KCNT2: variants seen among roughly 807,000 people sequenced by gnomAD.
The protein encoded by KCNT2 is potassium channel subfamily T member 2.
KCNT2 carries 67 observed loss-of-function variants against 153.8 expected under a neutral mutation model. That is an observed-to-expected ratio of 0.44 (90% CI 0.36 to 0.53). KCNT2 has a LOEUF of 0.53. KCNT2 is among the 20% of genes least tolerant of loss of function. The pLI is 0.00. For missense variants in KCNT2, 975 were observed against 1,354.8 expected (o/e 0.72, Z 4.40); for synonymous variants, 500 against 458.8 (o/e 1.09, Z -1.15).
intron 8 of KCNT2, among the ~76,000 whole-genome samples, chr1:196,460,203 G>T (rs1451916075): frequency 2.0e-5 from 3 of 151,416 alleles, no homozygotes; most frequent in Non-Finnish European, 4.4e-5. Flanking sequence ...ATATCCAAGG[G>T]TATTTTTTTA....
chr1:196,262,582 A>G (rs1199455420), intron 25 of KCNT2, among the ~76,000 whole-genome samples: 1 of 151,990 alleles, frequency 6.6e-6, no homozygotes, highest in African/African-American at 2.4e-5. Flanking sequence ...ATAAGCACCA[A>G]GGCTTATATA....
chr1:196,293,426 A>G (rs895071045), intron 22 of KCNT2, among the ~76,000 whole-genome samples: 1 of 152,250 alleles, frequency 6.6e-6, no homozygotes, highest in Non-Finnish European at 1.5e-5. Context: ...TAATCTAGAT[A>G]GAATGGTACT....
chr1:196,302,195 T>C (rs1172514446), intron 22 of KCNT2, among the ~76,000 whole-genome samples: 3 of 152,222 alleles, frequency 2.0e-5, no homozygotes, highest in African/African-American at 7.2e-5. Flanking sequence ...TAGAAAATGC[T>C]ACTGATTATT....
rs189510650 is a variant in KCNT2 at position 196,333,982 on chromosome 1, C to A, written c.1862G>T (p.Ser621Ile). 1.2e-6 allele frequency: 2 copies of A among 1,613,320 alleles called. No individual in the cohort carries two copies. The highest frequency in any genetic ancestry group is 1.7e-6 in the Non-Finnish European group (2 of 1,179,652). ...GPTLSLPTEG[S>I]KEIRRPSIAP... Reference sequence around the variant, plus strand: ...AATGCTAGGTCTTCTTATTTCTTTGCTTCCCTCTGTAGGAAGAGACAGGGT... The same window carrying A: ...AATGCTAGGTCTTCTTATTTCTTTGATTCCCTCTGTAGGAAGAGACAGGGT... Residue 621 changes from serine to isoleucine, a missense_variant, in exon 17 of 28, where the codon AGC becomes ATC. Coordinates refer to ENST00000294725, the MANE Select transcript of KCNT2 (RefSeq NM_198503.5).
At chr1:196,554,207 A>G (rs1278712467) in intron 1 of KCNT2, among the ~76,000 whole-genome samples, 1 of 151,332 alleles carries the variant, frequency 6.6e-6, no homozygotes, top group East Asian at 1.9e-4. Flanking sequence ...AATACAAAAG[A>G]TGAATGAATA....
intron 25 of KCNT2, among the ~76,000 whole-genome samples, chr1:196,270,014 AT>A (rs902025586): frequency 6.6e-6 from 1 of 151,942 alleles, no homozygotes; most frequent in African/African-American, 2.4e-5. Flanking sequence ...CTATTTTTTA[AT>A]TGTTTTTCTT....
chr1:196,353,331 C>A (rs1008798455), intron 14 of KCNT2, among the ~76,000 whole-genome samples: 19 of 151,792 alleles, frequency 1.3e-4, no homozygotes, highest in African/African-American at 4.6e-4. Context: ...GGATGCATAA[C>A]CACTGTGCTC....
At chr1:196,288,560 T>C (rs1162719046) in intron 22 of KCNT2, among the ~76,000 whole-genome samples, 3 of 152,090 alleles carry the variant, frequency 2.0e-5, no homozygotes, top group African/African-American at 2.4e-5. Flanking sequence ...AGATAAACTA[T>C]AGTGTTAATG....
chr1:196,334,167 T>G lies in KCNT2; in HGVS notation c.1784-107A>C, dbSNP rs111227023. On this transcript the variant is annotated intron_variant, in intron 16 of 27. Coordinates refer to ENST00000294725, the MANE Select transcript of KCNT2 (RefSeq NM_198503.5). Reference sequence around the variant, plus strand: ...ATAATAAACACAATAAATATATATATAGAGAGAGTATATATTTATGCGTGT... The same window carrying G: ...ATAATAAACACAATAAATATATATAGAGAGAGAGTATATATTTATGCGTGT... The G allele has an allele frequency of 9.5e-3, 6,034 of 638,042 alleles. 112 individuals are homozygous for G. Among genetic ancestry groups the G allele is most frequent in the African/African-American group, 0.052 (2,856 of 54,680 alleles). The allele number at this position is 638,042 out of a possible 1,614,324, so 39.5% of individuals were successfully genotyped here.
At position 196,482,499 on chromosome 1, in the gene KCNT2, T is replaced by C. The variant is rs1323819858; in HGVS notation, c.276-120A>G. On this transcript the variant is annotated intron_variant, in intron 3 of 27. Coordinates refer to ENST00000294725, the MANE Select transcript of KCNT2 (RefSeq NM_198503.5). ...AGCATAAAAAGACAAAATATCAAAATCAACATTTGAAAAAACGTTGTTGCC... is the reference window on the plus strand; with the variant it reads ...AGCATAAAAAGACAAAATATCAAAACCAACATTTGAAAAAACGTTGTTGCC... The C allele has an allele frequency of 1.6e-5, 8 of 506,994 alleles. No individual in the cohort carries two copies. The African/African-American group carries it at 1.6e-4, about 10-fold the overall frequency. 31.4% of individuals were successfully genotyped at this position (506,994 alleles called of 1,614,324 possible).
chr1:196,457,250 T>C (rs185949779), intron 8 of KCNT2, among the ~76,000 whole-genome samples: 2 of 151,798 alleles, frequency 1.3e-5, no homozygotes, highest in Admixed American at 6.6e-5. Context: ...AATTAAATAA[T>C]AATAATAATA....
At chr1:196,360,877 G>A (rs759070638) in intron 14 of KCNT2, among the ~76,000 whole-genome samples, 3 of 151,980 alleles carry the variant, frequency 2.0e-5, no homozygotes, top group African/African-American at 7.2e-5. Context: ...TACTATGGCC[G>A]CAAAGATCCA....
chr1:196,394,149 C>G (rs1426051820), intron 13 of KCNT2, among the ~76,000 whole-genome samples: 1 of 151,470 alleles, frequency 6.6e-6, no homozygotes, highest in African/African-American at 2.4e-5. Context: ...GAATTTGTAT[C>G]CTGGTAAAAG....
chr1:196,555,272 A>G (rs1406488995), intron 1 of KCNT2, among the ~76,000 whole-genome samples: 2 of 151,272 alleles, frequency 1.3e-5, no homozygotes, highest in Non-Finnish European at 3.0e-5. Context: ...TACACAGAAA[A>G]CTATTAGAAC....
At chr1:196,483,072 G>A (rs1421448079) in intron 3 of KCNT2, among the ~76,000 whole-genome samples, 1 of 152,070 alleles carries the variant, frequency 6.6e-6, no homozygotes, top group African/African-American at 2.4e-5. Context: ...GTTACTTACA[G>A]CAATATACCC....
intron 12 of KCNT2, among the ~76,000 whole-genome samples, chr1:196,417,593 C>G (rs182065393): frequency 6.6e-6 from 1 of 152,068 alleles, no homozygotes; most frequent in Non-Finnish European, 1.5e-5. Flanking sequence ...TTATAATCTA[C>G]TAGCTTTCTA....
At position 196,428,045 on chromosome 1, in the gene KCNT2, A is replaced by C; in HGVS notation, c.984+60T>G. Reference sequence around the variant, plus strand: ...AGCAGGCTGCACCATCAGTTAATTGACTTTGACAATATGTTAGTAGGTATG... The same window carrying C: ...AGCAGGCTGCACCATCAGTTAATTGCCTTTGACAATATGTTAGTAGGTATG... On this transcript the variant is annotated intron_variant, in intron 10 of 27. Coordinates refer to ENST00000294725, the MANE Select transcript of KCNT2 (RefSeq NM_198503.5). The C allele has an allele frequency of 5.3e-6, 7 of 1,322,290 alleles. 1 individual carries two copies. The South Asian group carries it at 7.7e-5, about 14-fold the overall frequency. The allele number at this position is 1,322,290 out of a possible 1,614,324, so 81.9% of individuals were successfully genotyped here. A position where few individuals can be genotyped will look rare whatever the true frequency, so the allele number is the denominator to read the frequency against.
intron 3 of KCNT2, among the ~76,000 whole-genome samples, chr1:196,486,898 T>C (rs1358753079): frequency 6.6e-6 from 1 of 151,888 alleles, no homozygotes; most frequent in Non-Finnish European, 1.5e-5. Context: ...GACCAAAATA[T>C]GAAAGCATAT....
chr1:196,528,860 T>C (rs1383472648), intron 1 of KCNT2, among the ~76,000 whole-genome samples: 2 of 152,178 alleles, frequency 1.3e-5, no homozygotes. Context: ...AAAGCTATTC[T>C]AATCATTCAA....
Sources: allele counts gnomAD v4.1 joint callset (sites outside exome capture counted in the v4.1 genomes callset), GRCh38; gene constraint gnomAD v4.1.1; transcripts MANE v1.5; gene names NCBI Gene and HGNC (gene_info 2026-07-23, HGNC 2026-07-21).